NUP205: variants seen among roughly 807,000 people sequenced by gnomAD.
NUP205 encodes the protein nuclear pore complex protein Nup205.
In NUP205, 76 loss-of-function variants were observed where a neutral mutation model predicts 253.8. That is an observed-to-expected ratio of 0.30 (90% CI 0.25 to 0.36). The LOEUF is 0.36. NUP205 is among the 10% of genes least tolerant of loss of function. The pLI is 1.00. For synonymous variants in NUP205, 832 were observed against 850.1 expected, an observed-to-expected ratio of 0.98 and a Z score of 0.37; for missense variants, 2,162 against 2,425.5, an observed-to-expected ratio of 0.89 and a Z score of 2.28.
chr7:135,583,186 T>C (rs1174002668), intron 7 of NUP205, among the ~76,000 whole-genome samples: 2 of 152,208 alleles, frequency 1.3e-5, no homozygotes, highest in Non-Finnish European at 2.9e-5. Flanking sequence ...TCCTGGCCCT[T>C]TTCAAGGCAA....
At position 135,601,493 on chromosome 7, in the gene NUP205, A is replaced by G; in HGVS notation, c.2498A>G (p.Tyr833Cys). 5 of 1,613,414 alleles carry G rather than the reference A, an allele frequency of 3.1e-6. No individual in the cohort carries two copies. The highest frequency in any genetic ancestry group is 3.4e-6 in the Non-Finnish European group (4 of 1,179,736). ...LEEGVKQLDT[Y>C]APFPGKKHLE... is the part of the protein sequence containing the mutation. ...GAAGGAGTTAAGCAGCTTGACACCT[A>G]TGCCCCCTTTCCTGGTATATGCTTA... The change falls in exon 17 of 43, where the codon TAT becomes TGT. Residue 833 changes from tyrosine to cysteine, a missense_variant. Physicochemically the swap from Tyr to Cys is radical, Grantham distance 194. Transcript: ENST00000285968.
intron 22 of NUP205, among the ~76,000 whole-genome samples, chr7:135,611,470 A>C (rs970116805): frequency 5.9e-5 from 9 of 152,194 alleles, no homozygotes; most frequent in Non-Finnish European, 1.2e-4. Context: ...AAACTGTTTA[A>C]AAGGTCAATG....
At chr7:135,621,992 C>T (rs1033899246) in intron 30 of NUP205, among the ~76,000 whole-genome samples, 12 of 151,748 alleles carry the variant, frequency 7.9e-5, no homozygotes, top group Non-Finnish European at 1.5e-4. Context: ...TTAGTAGAGA[C>T]GGGGTTTCAC....
At chr7:135,622,950 A>G in intron 31 of NUP205, 25 bp downstream of exon 31, 1 of 1,607,926 alleles carries the variant, frequency 6.2e-7, no homozygotes, top group Non-Finnish European at 8.5e-7. Flanking sequence ...ATTTAGTATT[A>G]TAATTGAATA....
intron 35 of NUP205, among the ~76,000 whole-genome samples, chr7:135,632,519 A>G (rs1046513952): frequency 6.6e-6 from 1 of 151,288 alleles, no homozygotes; most frequent in Non-Finnish European, 1.5e-5. Context: ...ATAATCCCCA[A>G]TAATTTTTTT....
At chr7:135,612,849 A>C (rs1424384296) in intron 22 of NUP205, among the ~76,000 whole-genome samples, 1 of 152,236 alleles carries the variant, frequency 6.6e-6, no homozygotes, top group Non-Finnish European at 1.5e-5. Context: ...AGTAGTCATA[A>C]CAATTATACT....
chr7:135,641,872 G>A (rs1794920642), intron 38 of NUP205, among the ~76,000 whole-genome samples: 1 of 152,124 alleles, frequency 6.6e-6, no homozygotes, highest in South Asian at 2.1e-4. Context: ...AGTTGATAGT[G>A]AAGAAAAAGC....
At chr7:135,576,618 C>T (rs932953644) in intron 4 of NUP205, among the ~76,000 whole-genome samples, 1 of 152,054 alleles carries the variant, frequency 6.6e-6, no homozygotes, top group Non-Finnish European at 1.5e-5. Context: ...TGCAGTGGCC[C>T]AAATTATTTT....
chr7:135,577,210 T>A, intron 5 of NUP205, 82 bp downstream of exon 5: 1 of 1,357,972 alleles, frequency 7.4e-7, no homozygotes, highest in South Asian at 1.4e-5. Flanking sequence ...GTTCATTTTT[T>A]CAAGATGAAT....
chr7:135,615,477 A>G (rs1336527345), intron 23 of NUP205, among the ~76,000 whole-genome samples: 1 of 152,204 alleles, frequency 6.6e-6, no homozygotes, highest in African/African-American at 2.4e-5. Flanking sequence ...CACATCATTA[A>G]TTGAGGTATT....
At chr7:135,558,026 T>C (rs1805478715) in intron 1 of NUP205, 54 bp downstream of exon 1, 8 of 1,467,168 alleles carry the variant, frequency 5.5e-6, no homozygotes, top group South Asian at 1.1e-5. Flanking sequence ...CAGGTCTTCA[T>C]GGAGAGACGA....
intron 36 of NUP205, among the ~76,000 whole-genome samples, chr7:135,637,348 A>G (rs1584690994): frequency 1.3e-5 from 2 of 152,352 alleles, no homozygotes; most frequent in Admixed American, 6.5e-5. Context: ...TACTGCCAAT[A>G]TTGAAAAGCT....
At chr7:135,599,372 A>G in intron 15 of NUP205, among the ~76,000 whole-genome samples, 1 of 151,946 alleles carries the variant, frequency 6.6e-6, no homozygotes, top group East Asian at 1.9e-4. Context: ...TGTCAATTGC[A>G]TTAGAATTTT....
intron 1 of NUP205, among the ~76,000 whole-genome samples, chr7:135,570,304 C>A (rs879438425): frequency 6.6e-6 from 1 of 151,938 alleles, no homozygotes; most frequent in Non-Finnish European, 1.5e-5. Context: ...ACCTCCGCCT[C>A]CTGGGTTCGA....
At position 135,578,889 on chromosome 7, in the gene NUP205, G is replaced by A; in HGVS notation, c.1016G>A (p.Gly339Glu). The A allele has an allele frequency of 6.2e-7, 1 of 1,604,234 alleles. No individual in the cohort carries two copies. The highest frequency in any genetic ancestry group is 8.5e-7 in the Non-Finnish European group (1 of 1,177,126). The change falls in exon 7 of 43, where the codon GGA becomes GAA. Residue 339 changes from glycine to glutamate, a missense_variant. Physicochemically the swap from Gly to Glu is moderately conservative, Grantham distance 98 (BLOSUM62 -2). Around this residue, in one of 5 missense-constraint regions of NUP205, gnomAD observed 892 missense variants for 957.1 expected, o/e 0.93. Transcript: ENST00000285968. ...VRLAWALALRGISQLPDVTAL... is the reference protein window; with the variant it reads ...VRLAWALALREISQLPDVTAL... ...CTTGCCTGGGCGCTGGCATTGAGGG[G>A]AATATCCCAGCTACCTGATGTGACA...
chr7:135,579,026 T>G, intron 7 of NUP205, 111 bp downstream of exon 7: 1 of 771,252 alleles, frequency 1.3e-6, no homozygotes, highest in East Asian at 2.9e-5. Context: ...TAGGAAGATA[T>G]CCAGAGTTGT....
At position 135,576,425 on chromosome 7, in the gene NUP205, T is replaced by C; in HGVS notation, c.488+11T>C. ...GACCCTAGAACTCAGGTCTTTTTAC[T>C]TCTTGGGATTTCAGGGGTTAATTTG... On this transcript the variant is annotated intron_variant, in intron 4 of 42. Coordinates refer to ENST00000285968, the MANE Select transcript of NUP205 (RefSeq NM_015135.3). 1 of 1,601,136 alleles carries C rather than the reference T, an allele frequency of 6.2e-7. No homozygotes were observed. Among genetic ancestry groups the C allele is most frequent in the African/African-American group, 1.3e-5 (1 of 74,444 alleles).
intron 1 of NUP205, among the ~76,000 whole-genome samples, chr7:135,570,897 T>TATTTATATGTAATATATTATATATTATAC (rs1554456647): frequency 8.0e-6 from 1 of 124,490 alleles, no homozygotes; most frequent in Non-Finnish European, 1.6e-5. Context: ...ATATATTATA[T>TATTTATATGTAATATATTATATATTATAC]ATTTATATAT....
intron 30 of NUP205, among the ~76,000 whole-genome samples, chr7:135,620,315 C>T (rs75138924): frequency 6.6e-6 from 1 of 152,172 alleles, no homozygotes; most frequent in African/African-American, 2.4e-5. Context: ...CTGTGGATCA[C>T]CTGAGGTCAG....
Sources: allele counts gnomAD v4.1 joint callset (sites outside exome capture counted in the v4.1 genomes callset), GRCh38; gene constraint gnomAD v4.1.1; regional missense constraint gnomAD v4.1.1; transcripts MANE v1.5; gene names NCBI Gene and HGNC (gene_info 2026-07-23, HGNC 2026-07-21).